The following FAM50B variants were observed in gnomAD, a reference collection of about 807,000 sequenced individuals.
The protein encoded by FAM50B is protein FAM50B.
In FAM50B, 9 loss-of-function variants were observed where a neutral mutation model predicts 25.4. The observed-to-expected ratio is 0.35, with a 90% CI of 0.21 to 0.62. FAM50B has a LOEUF of 0.62. Ranked by LOEUF, FAM50B falls within the 20% of genes least tolerant of loss-of-function variation. The probability of loss-of-function intolerance (pLI) is 0.73; values close to 1 mark genes in which losing one functional copy is unlikely to be tolerated. For synonymous variants in FAM50B, 212 were observed against 204.3 expected (o/e 1.04, Z -0.32); for missense variants, 372 against 477.9 (o/e 0.78, Z 2.07).
chr6:3,834,173 C>A, the FAM50B span, among the ~76,000 whole-genome samples: 1 of 151,804 alleles, frequency 6.6e-6, no homozygotes, highest in African/African-American at 2.4e-5. Flanking sequence ...AAGAAACAGG[C>A]ATTTTAAAAC....
upstream of FAM50B, among the ~76,000 whole-genome samples, chr6:3,845,972 C>T (rs1156586872): frequency 1.3e-5 from 2 of 152,212 alleles, no homozygotes; most frequent in Admixed American, 6.5e-5. Context: ...CCACCCGCCT[C>T]GGCCTCCCAA....
upstream of FAM50B, among the ~76,000 whole-genome samples, chr6:3,845,674 C>A (rs772262174): frequency 6.6e-6 from 1 of 152,014 alleles, no homozygotes; most frequent in Non-Finnish European, 1.5e-5. Flanking sequence ...CAGCGAAGGG[C>A]AGGACTTTCT....
chr6:3,844,927 T>C (rs1762104674), upstream of FAM50B, among the ~76,000 whole-genome samples: 2 of 152,242 alleles, frequency 1.3e-5, no homozygotes, highest in Non-Finnish European at 2.9e-5. Context: ...GTAATATGCC[T>C]ATTTCCTCCT....
the FAM50B span, among the ~76,000 whole-genome samples, chr6:3,835,608 C>T: frequency 6.6e-6 from 1 of 152,220 alleles, no homozygotes; most frequent in African/African-American, 2.4e-5. Context: ...ACAACGCAAA[C>T]AAGCTTTGGG....
chr6:3,848,556 C>A (rs778130496), upstream of FAM50B, among the ~76,000 whole-genome samples: 1 of 152,274 alleles, frequency 6.6e-6, no homozygotes, highest in Non-Finnish European at 1.5e-5. Flanking sequence ...TGCTCTTAGG[C>A]GGGAGGAGGC....
Position 3,850,955 on chromosome 6 carries a change from G to T in FAM50B, c.*166G>T. 8.5e-7 allele frequency: 1 copy of T among 1,178,958 alleles called. No homozygotes were observed. Among genetic ancestry groups the T allele is most frequent in the Non-Finnish European group, 1.2e-6 (1 of 852,722 alleles). 73.0% of individuals were successfully genotyped at this position (1,178,958 alleles called of 1,614,324 possible). Reference sequence around the variant, plus strand: ...GTGCTATTGCTGATGTTATGCTTTGGTTGCTTGGTTGGTCTTTTCTGAGTA... The same window carrying T: ...GTGCTATTGCTGATGTTATGCTTTGTTTGCTTGGTTGGTCTTTTCTGAGTA... On this transcript the variant is annotated 3_prime_UTR_variant, in exon 2 of 2. Coordinates refer to ENST00000648326, the MANE Select transcript of FAM50B (RefSeq NM_012135.3).
At chr6:3,837,064 T>A in the FAM50B span, among the ~76,000 whole-genome samples, 1 of 152,102 alleles carries the variant, frequency 6.6e-6, no homozygotes, top group Non-Finnish European at 1.5e-5. Context: ...AAACCTCACA[T>A]CCTATATAAA....
chr6:3,848,344 T>A (rs1294706990), upstream of FAM50B, among the ~76,000 whole-genome samples: 2 of 152,104 alleles, frequency 1.3e-5, no homozygotes, highest in African/African-American at 4.8e-5. Flanking sequence ...TGGTGGGGAA[T>A]GGGAGAAAAA....
Position 3,850,268 on chromosome 6 carries a change from C to G in FAM50B, c.457C>G (p.Leu153Val). 1 of 1,613,178 alleles carries G rather than the reference C, an allele frequency of 6.2e-7. No homozygotes were observed. Among genetic ancestry groups the G allele is most frequent in the Non-Finnish European group, 8.5e-7 (1 of 1,179,826 alleles). Residue 153 changes from leucine to valine, a missense_variant, in exon 2 of 2, where the codon CTG becomes GTG. Transcript: ENST00000648326. Reference protein sequence around the residue: ...GKNPDVDTSFLPDRDREEEEN... With the variant: ...GKNPDVDTSFVPDRDREEEEN... ...GAACCCCGACGTGGACACCAGCTTCCTGCCAGACCGCGACCGCGAGGAGGA... is the reference window on the plus strand; with the variant it reads ...GAACCCCGACGTGGACACCAGCTTCGTGCCAGACCGCGACCGCGAGGAGGA...
rs1291358596 is a variant in FAM50B, at chr6:3,851,150, C to T, written c.*361C>T. The T allele has an allele frequency of 7.4e-6, 2 of 271,430 alleles. No homozygotes were observed. The highest frequency in any genetic ancestry group is 1.0e-4 in the Admixed American group (2 of 19,858). 16.8% of individuals were successfully genotyped at this position (271,430 alleles called of 1,614,324 possible). A position where few individuals can be genotyped will look rare whatever the true frequency, so the allele number is the denominator to read the frequency against. On this transcript the variant is annotated 3_prime_UTR_variant, in exon 2 of 2. Transcript: ENST00000648326. ...CTGAGTTTGATTCCCGACACAGCCT[C>T]CTCCTTGCTGTGTAGTTTTGGGTAA...
At chr6:3,847,872 A>G (rs969872258), upstream of FAM50B, among the ~76,000 whole-genome samples, 1 of 152,220 alleles carries the variant, frequency 6.6e-6, no homozygotes, top group African/African-American at 2.4e-5. Context: ...TAATTTCAAT[A>G]TTGCTGTGTC....
At chr6:3,835,945 G>C in the FAM50B span, among the ~76,000 whole-genome samples, 383 of 152,230 alleles carry the variant, frequency 2.5e-3, 1 homozygote, top group Non-Finnish European at 4.3e-3. Flanking sequence ...AGTCAATTTT[G>C]ACACCTTCAC....
the FAM50B span, among the ~76,000 whole-genome samples, chr6:3,834,664 A>G: frequency 1.2e-4 from 18 of 152,326 alleles, no homozygotes; most frequent in East Asian, 3.5e-3. Context: ...ACAGAGATGC[A>G]TATATAAGAA....
In FAM50B at chr6:3,850,090, C is replaced by G. The variant is rs1440567151; in HGVS notation, c.279C>G (p.His93Gln). The G allele has an allele frequency of 6.2e-7, 1 of 1,610,270 alleles. No individual in the cohort carries two copies. Among genetic ancestry groups the G allele is most frequent in the Admixed American group, 1.7e-5 (1 of 59,664 alleles). Residue 93 changes from histidine (H) to glutamine (Q), a missense_variant, in exon 2 of 2, where the codon CAC becomes CAG. Physicochemically the swap from His to Gln is conservative, Grantham distance 24. Coordinates refer to ENST00000648326, the MANE Select transcript of FAM50B (RefSeq NM_012135.3). ...ERERQLAKRQ[H>Q]LEEQRLQQER... ...AGCGGCAGCTGGCCAAGCGCCAGCA[C>G]CTGGAGGAGCAGCGGCTGCAGCAGG...
chr6:3,832,878 G>A, the FAM50B span, among the ~76,000 whole-genome samples: 2 of 151,296 alleles, frequency 1.3e-5, no homozygotes, highest in East Asian at 3.9e-4. Flanking sequence ...TTTAATCTGA[G>A]ACAGAGTCTC....
At chr6:3,839,817 T>C in the FAM50B span, among the ~76,000 whole-genome samples, 11 of 152,060 alleles carry the variant, frequency 7.2e-5, no homozygotes, top group Admixed American at 4.6e-4. Flanking sequence ...CAGGAAGTCA[T>C]AGGCCAAGAG....
At chr6:3,833,696 G>C in the FAM50B span, 34 of 152,194 alleles carry the variant, frequency 2.2e-4, no homozygotes, top group Non-Finnish European at 4.0e-4. Flanking sequence ...TTATGAGAGA[G>C]CAATCAAGTA....
chr6:3,848,774 G>C (rs1762154191), upstream of FAM50B, among the ~76,000 whole-genome samples: 1 of 152,174 alleles, frequency 6.6e-6, no homozygotes, highest in African/African-American at 2.4e-5. Flanking sequence ...AGTGTCCCAT[G>C]GTTATTAGAG....
the FAM50B span, among the ~76,000 whole-genome samples, chr6:3,843,995 T>G: frequency 5.9e-5 from 9 of 152,210 alleles, no homozygotes; most frequent in African/African-American, 2.2e-4. Flanking sequence ...AGGCTGACTC[T>G]GGAGAGGACA....
Sources: allele counts gnomAD v4.1 joint callset (sites outside exome capture counted in the v4.1 genomes callset), GRCh38; gene constraint gnomAD v4.1.1; transcripts MANE v1.5; gene names NCBI Gene and HGNC (gene_info 2026-07-23, HGNC 2026-07-21).